PLCH1: variants seen among roughly 807,000 people sequenced by gnomAD.
The protein encoded by PLCH1 is 1-phosphatidylinositol 4,5-bisphosphate phosphodiesterase eta-1.
PLCH1 carries 60 observed loss-of-function variants against 126.7 expected under a neutral mutation model. The ratio of observed to expected loss-of-function variants is 0.47; its 90% CI spans 0.38 to 0.59. The LOEUF (loss-of-function observed/expected upper bound fraction) is 0.59. Ranked by LOEUF, PLCH1 falls within the 20% of genes least tolerant of loss-of-function variation. The pLI is 0.00. For synonymous variants in PLCH1, 719 were observed against 734.9 expected (o/e 0.98, Z 0.35); for missense variants, 1,723 against 2,040.0 (o/e 0.84, Z 2.99).
intron 10 of PLCH1, among the ~76,000 whole-genome samples, chr3:155,542,729 C>A (rs146424262): frequency 3.9e-5 from 6 of 152,312 alleles, no homozygotes; most frequent in Non-Finnish European, 4.4e-5. Flanking sequence ...TTGCGGTTCA[C>A]GAAAATCTGC....
chr3:155,570,485 G>A (rs1461286403), intron 6 of PLCH1, among the ~76,000 whole-genome samples: 2 of 152,104 alleles, frequency 1.3e-5, no homozygotes, highest in Non-Finnish European at 2.9e-5. Context: ...CAGGCAACTG[G>A]TGCTAAAAGA....
In PLCH1 at chr3:155,539,461, A is replaced by G. The variant is rs185206206; in HGVS notation, c.1362+10326T>C. On this transcript the variant is annotated intron_variant, in intron 10 of 22. Coordinates refer to ENST00000460012, the MANE Select transcript of PLCH1 (RefSeq NM_014996.4). ...TTCCAAATGTGTAAAGAGGAAGTCA[A>G]ATTGTTGCTGTTCGCTGATGATATG... 3.3e-5 allele frequency among the ~76,000 whole-genome samples: 5 copies of G among 152,320 alleles called. No individual in the cohort carries two copies. The East Asian group carries it at 7.7e-4, about 23-fold the overall frequency.
rs144408689 is a variant in PLCH1, at chr3:155,537,745, A to G, written c.1362+12042T>C. Among the ~76,000 whole-genome samples, 656 of 152,264 alleles carry G rather than the reference A, an allele frequency of 4.3e-3. 5 individuals carry two copies. The highest frequency in any genetic ancestry group is 0.015 in the African/African-American group (613 of 41,554). ...CTAACACTGGAGCTCCCAAATTTAT[A>G]AAACAGTTACTACTAGACCTAAGAA... On this transcript the variant is annotated intron_variant, in intron 10 of 22. Transcript: ENST00000460012.
At chr3:155,715,068 T>A (rs551656410) in intron 1 of PLCH1, among the ~76,000 whole-genome samples, 3 of 152,216 alleles carry the variant, frequency 2.0e-5, no homozygotes, top group Non-Finnish European at 4.4e-5. Context: ...GTAAGTTATA[T>A]TTGTCTAGAT....
chr3:155,729,764 A>G (rs1748618723), intron 1 of PLCH1, among the ~76,000 whole-genome samples: 1 of 152,070 alleles, frequency 6.6e-6, no homozygotes, highest in African/African-American at 2.4e-5. Flanking sequence ...CTCCTCTAGT[A>G]AAAATTCAAA....
intron 2 of PLCH1, among the ~76,000 whole-genome samples, chr3:155,603,005 T>G (rs1243550088): frequency 6.6e-6 from 1 of 152,080 alleles, no homozygotes; most frequent in African/African-American, 2.4e-5. Context: ...CAAAAGAACC[T>G]TGAGACAGAT....
rs62287317 is a variant in PLCH1, at chr3:155,662,149, C to T, written c.79+41997G>A. Among the ~76,000 whole-genome samples the T allele has an allele frequency of 3.2e-3, 480 of 152,246 alleles. 4 individuals are homozygous for T. The highest frequency in any genetic ancestry group is 0.025 in the South Asian group (119 of 4,820). ...CTCACTAGAACTAGAGAAGCTATTG[C>T]CATGATCTGAAAACTGTATATGAGC... is the stretch of plus-strand genomic sequence containing the variant. On this transcript the variant is annotated intron_variant, in intron 2 of 22. Transcript: ENST00000460012.
chr3:155,570,809 T>A (rs1231868771), intron 6 of PLCH1, among the ~76,000 whole-genome samples: 2 of 152,204 alleles, frequency 1.3e-5, no homozygotes, highest in Non-Finnish European at 2.9e-5. Flanking sequence ...TATTGAAAAA[T>A]TAAAATGCTT....
chr3:155,630,942 A>T (rs1055349134), intron 2 of PLCH1, among the ~76,000 whole-genome samples: 2 of 152,218 alleles, frequency 1.3e-5, no homozygotes, highest in Non-Finnish European at 2.9e-5. Flanking sequence ...CTTCTTTCAT[A>T]TGATTGAAGA....
chr3:155,694,509 AG>A (rs1390696818), intron 2 of PLCH1, among the ~76,000 whole-genome samples: 1 of 152,222 alleles, frequency 6.6e-6, no homozygotes, highest in Non-Finnish European at 1.5e-5. Context: ...GGTCATTTGT[AG>A]AAATGCATTG....
intron 6 of PLCH1, among the ~76,000 whole-genome samples, chr3:155,580,406 C>T (rs1360469639): frequency 2.6e-5 from 4 of 152,072 alleles, no homozygotes; most frequent in Admixed American, 1.3e-4. Context: ...CATTTAAATG[C>T]TATAAAATGT....
rs185454838 is a variant in PLCH1, at chr3:155,483,980, A to C, written c.2975-929T>G. ...AAATATTCATCATAAAAATTTTGAA[A>C]ACCTCAAAAAATTATAAAGAAAAAA... On this transcript the variant is annotated intron_variant, in intron 22 of 22. Coordinates refer to ENST00000460012, the MANE Select transcript of PLCH1 (RefSeq NM_014996.4). Among the ~76,000 whole-genome samples, 25 of 152,268 alleles carry C rather than the reference A, an allele frequency of 1.6e-4. No homozygotes were observed. The East Asian group carries it at 3.7e-3, about 22-fold the overall frequency.
At chr3:155,561,647 C>T (rs959001998) in intron 8 of PLCH1, among the ~76,000 whole-genome samples, 5 of 151,966 alleles carry the variant, frequency 3.3e-5, no homozygotes, top group Middle Eastern at 3.2e-3. Context: ...GGGCATATAC[C>T]CAGTAATGGG....
intron 1 of PLCH1, among the ~76,000 whole-genome samples, chr3:155,729,001 C>T (rs994847067): frequency 6.6e-6 from 1 of 152,146 alleles, no homozygotes; most frequent in African/African-American, 2.4e-5. Context: ...GGTCTAACAT[C>T]CAAAAATTCC....
intron 2 of PLCH1, among the ~76,000 whole-genome samples, chr3:155,688,145 C>T (rs994159631): frequency 6.6e-6 from 1 of 152,194 alleles, no homozygotes; most frequent in Non-Finnish European, 1.5e-5. Flanking sequence ...AGCCCTGCTG[C>T]CATCAATGAT....
intron 2 of PLCH1, 38 bp downstream of exon 2, chr3:155,704,103 CAAAAT>C (rs1403162864): frequency 1.2e-5 from 11 of 897,112 alleles, no homozygotes; most frequent in Non-Finnish European, 4.4e-6. Flanking sequence ...CTGTCAGAAA[CAAAAT>C]AAAAGATCCA....
intron 2 of PLCH1, among the ~76,000 whole-genome samples, chr3:155,646,533 A>T (rs958072740): frequency 1.3e-5 from 2 of 152,206 alleles, no homozygotes; most frequent in African/African-American, 4.8e-5. Context: ...TTTTATCTTT[A>T]AAAAGTATGT....
At chr3:155,671,241 T>C (rs779279426) in intron 2 of PLCH1, among the ~76,000 whole-genome samples, 1 of 152,202 alleles carries the variant, frequency 6.6e-6, no homozygotes, top group Non-Finnish European at 1.5e-5. Context: ...AATATAACTA[T>C]ATGCACTTCA....
At chr3:155,682,805 C>T (rs138377758) in intron 2 of PLCH1, among the ~76,000 whole-genome samples, 14 of 152,310 alleles carry the variant, frequency 9.2e-5, no homozygotes, top group Non-Finnish European at 1.2e-4. Flanking sequence ...TATAACCAAA[C>T]ACTTAAATTG....
Sources: gnomAD v4.1 joint callset for allele counts (sites outside exome capture counted in the v4.1 genomes callset) on GRCh38, gnomAD v4.1.1 for gene constraint, MANE v1.5 for transcripts, NCBI Gene and HGNC (gene_info 2026-07-23, HGNC 2026-07-21) for gene names.